Variants in BCAS3 observed in about 807,000 individuals in gnomAD.
BCAS3 encodes the protein BCAS4/BCAS3 fusion.
BCAS3 carries 53 observed loss-of-function variants against 116.1 expected under a neutral mutation model. The observed-to-expected ratio is 0.46, with a 90% CI of 0.37 to 0.57. The LOEUF is 0.57. Among genes scored for constraint, BCAS3 ranks in the 20% least tolerant of loss-of-function variants. BCAS3 has a pLI of 0.00. For missense variants in BCAS3, 917 were observed against 1,165.4 expected (o/e 0.79, Z 3.10); for synonymous variants, 391 against 408.2 (o/e 0.96, Z 0.51).
chr17:60,924,173 A>G lies in BCAS3; in HGVS notation c.994-234A>G, dbSNP rs557898796. Among the ~76,000 whole-genome samples, 4 of 152,248 alleles carry G rather than the reference A, an allele frequency of 2.6e-5. No homozygotes were observed. In the East Asian group the frequency reaches 5.8e-4, roughly 22 times the overall value. ...GAAGAAGTAATTGTTTCTGTCATCT[A>G]CAGTCAAGTCAGCTGACTCTTTTTA... On this transcript the variant is annotated intron_variant, in intron 12 of 23. Transcript: ENST00000407086.
rs1471164719 is a variant in BCAS3 at position 61,214,834 on chromosome 17, T to C, written c.2425+130270T>C. Among the ~76,000 whole-genome samples, 2 of 152,200 alleles carry C rather than the reference T, an allele frequency of 1.3e-5. No individual in the cohort carries two copies. The highest frequency in any genetic ancestry group is 2.9e-5 in the Non-Finnish European group (2 of 68,044). On this transcript the variant is annotated intron_variant, in intron 22 of 23. Transcript: ENST00000407086. The surrounding 1 kb of genome is among the most constrained non-coding windows in gnomAD (Gnocchi z 4.4). Reference sequence around the variant, plus strand: ...ACTGAAAGCTAATTCTTCAGAAGAGTATGTTCTAGCTAAGGGTGTACTATA... The same window carrying C: ...ACTGAAAGCTAATTCTTCAGAAGAGCATGTTCTAGCTAAGGGTGTACTATA...
chr17:60,677,993 G>T, intron 1 of BCAS3, 79 bp downstream of exon 1: 1 of 153,824 alleles, frequency 6.5e-6, no homozygotes, highest in Non-Finnish European at 1.5e-5. Flanking sequence ...GACTGGGTCG[G>T]GCTGGCAGGA....
chr17:60,738,621 C>T (rs2041215318), intron 5 of BCAS3, among the ~76,000 whole-genome samples: 1 of 152,180 alleles, frequency 6.6e-6, no homozygotes. Flanking sequence ...ATACAACATA[C>T]AGTTGGATCT....
chr17:60,953,886 A>G (rs568369114), intron 14 of BCAS3, among the ~76,000 whole-genome samples: 81 of 152,144 alleles, frequency 5.3e-4, no homozygotes, highest in African/African-American at 1.9e-3. Flanking sequence ...GGCACCTGCC[A>G]CCACATCCAG....
In BCAS3 at chr17:60,859,305, T is replaced by G. The variant is rs529438051; in HGVS notation, c.477-9271T>G. Among the ~76,000 whole-genome samples, 3 of 152,202 alleles carry G rather than the reference T, an allele frequency of 2.0e-5. No homozygotes were observed. The South Asian group carries it at 6.2e-4, about 32-fold the overall frequency. On this transcript the variant is annotated intron_variant, in intron 7 of 23. Coordinates refer to ENST00000407086, the MANE Select transcript of BCAS3 (RefSeq NM_017679.5). ...TATTTTGTCACCCAGGTAGTGAGCA[T>G]AGTACCCGATAGGTAGTTTTTTGAT...
chr17:61,180,166 T>A lies in BCAS3; in HGVS notation c.2425+95602T>A, dbSNP rs896376563. Among the ~76,000 whole-genome samples, 1 of 152,174 alleles carries A rather than the reference T, an allele frequency of 6.6e-6. No individual in the cohort carries two copies. The highest frequency in any genetic ancestry group is 6.5e-5 in the Admixed American group (1 of 15,276). ...GCCAAACATCATTAAGTCATTAGTG[T>A]AAGGGACTTGTTATGAAGGACCGAT... On this transcript the variant is annotated intron_variant, in intron 22 of 23. Coordinates refer to ENST00000407086, the MANE Select transcript of BCAS3 (RefSeq NM_017679.5). This position sits in a 1 kb window ranked among gnomAD's most constrained non-coding sequence, Gnocchi z 6.0.
At chr17:61,246,827 GTGTA>G (rs1555793411) in intron 22 of BCAS3, among the ~76,000 whole-genome samples, 3 of 149,794 alleles carry the variant, frequency 2.0e-5, no homozygotes, top group Non-Finnish European at 1.5e-5. Context: ...GTGTGTGTGT[GTGTA>G]TGTGTGTGAT....
At chr17:60,799,817 A>G (rs971875667) in intron 6 of BCAS3, among the ~76,000 whole-genome samples, 2 of 146,714 alleles carry the variant, frequency 1.4e-5, no homozygotes, top group East Asian at 3.9e-4. Flanking sequence ...CGGCCTCCCA[A>G]AGTGCTGGGA....
At chr17:61,176,679 T>TC (rs761997937) in intron 22 of BCAS3, among the ~76,000 whole-genome samples, 13 of 152,092 alleles carry the variant, frequency 8.5e-5, no homozygotes, top group Non-Finnish European at 1.8e-4. Context: ...CACCTCAGCC[T>TC]CCCAAGTAGC....
rs2074548807 is a variant in BCAS3, at chr17:61,104,959, A to G, written c.2425+20395A>G. Among the ~76,000 whole-genome samples, 1 of 152,226 alleles carries G rather than the reference A, an allele frequency of 6.6e-6. No homozygotes were observed. The highest frequency in any genetic ancestry group is 1.5e-5 in the Non-Finnish European group (1 of 68,038). On this transcript the variant is annotated intron_variant, in intron 22 of 23. Coordinates refer to ENST00000407086, the MANE Select transcript of BCAS3 (RefSeq NM_017679.5). This position sits in a 1 kb window ranked among gnomAD's most constrained non-coding sequence, Gnocchi z 4.1. The stretch of plus-strand genomic sequence containing the variant: ...AATAAAACTAGGAATAGCTGAGAGT[A>G]GGAAAACTCATGAGGCTTTTTCTCA...
At chr17:60,714,812 T>C (rs1440128306) in intron 5 of BCAS3, among the ~76,000 whole-genome samples, 1 of 152,196 alleles carries the variant, frequency 6.6e-6, no homozygotes, top group Non-Finnish European at 1.5e-5. Context: ...AGCAGAACTG[T>C]GCAGTAGTTT....
At chr17:61,168,684 G>A (rs1473644270) in intron 22 of BCAS3, among the ~76,000 whole-genome samples, 4 of 152,238 alleles carry the variant, frequency 2.6e-5, no homozygotes, top group African/African-American at 9.6e-5. Flanking sequence ...GGGAGAAGGA[G>A]CAGGTTCTGC....
chr17:61,044,465 A>AAAAAAAAAAAAAAATATATATATATATAT, intron 19 of BCAS3, among the ~76,000 whole-genome samples: 1 of 120,126 alleles, frequency 8.3e-6, no homozygotes, highest in African/African-American at 5.0e-5. Context: ...AAAAAAAAAA[A>AAAAAAAAAAAAAAATATATATATATATAT]ATATATATAT....
chr17:61,091,956 G>A (rs1426794734), intron 22 of BCAS3, among the ~76,000 whole-genome samples: 1 of 152,144 alleles, frequency 6.6e-6, no homozygotes, highest in East Asian at 1.9e-4. Flanking sequence ...TTTATACTCA[G>A]CCACCACTCA....
chr17:61,354,108 T>C lies in BCAS3; in HGVS notation c.2426-14219T>C, dbSNP rs898512157. 6.6e-6 allele frequency: 1 copy of C among 152,122 alleles called. No individual in the cohort carries two copies. Among genetic ancestry groups the C allele is most frequent in the African/African-American group, 2.4e-5 (1 of 41,422 alleles). The allele number at this position is 152,122 out of a possible 1,614,324, so 9.4% of individuals were successfully genotyped here. On this transcript the variant is annotated intron_variant, in intron 22 of 23. Coordinates refer to ENST00000407086, the MANE Select transcript of BCAS3 (RefSeq NM_017679.5). This position sits in a 1 kb window ranked among gnomAD's most constrained non-coding sequence, Gnocchi z 4.5. ...CCATGATGCTTCTGCAGCATGCCAG[T>C]TTGTTCACTGAGACCTTCACAGAAG...
intron 7 of BCAS3, among the ~76,000 whole-genome samples, chr17:60,850,525 A>C (rs9915715): frequency 0.19 from 28,374 of 151,276 alleles, 3,201 homozygotes; most frequent in African/African-American, 0.32. Context: ...CACCCAGCTA[A>C]TTTTTGTATT....
chr17:61,315,193 G>A lies in BCAS3; in HGVS notation c.2426-53134G>A, dbSNP rs2054626261. ...TGCAGTGGCGTGATCTCGGCTCACT[G>A]CAGCCTCCGCCTCCAGGTTAAAGCA... is the stretch of plus-strand genomic sequence containing the variant. On this transcript the variant is annotated intron_variant, in intron 22 of 23. Coordinates refer to ENST00000407086, the MANE Select transcript of BCAS3 (RefSeq NM_017679.5). The surrounding 1 kb of genome is among the most constrained non-coding windows in gnomAD (Gnocchi z 5.3). Among the ~76,000 whole-genome samples the A allele has an allele frequency of 6.6e-6, 1 of 152,100 alleles. No individual in the cohort carries two copies. The highest frequency in any genetic ancestry group is 1.5e-5 in the Non-Finnish European group (1 of 68,018).
chr17:61,357,883 G>A (rs1407786489), intron 22 of BCAS3, among the ~76,000 whole-genome samples: 1 of 152,006 alleles, frequency 6.6e-6, no homozygotes, highest in Non-Finnish European at 1.5e-5. Flanking sequence ...GAGGTCAAGA[G>A]TTCCAGACCC....
chr17:60,749,398 A>T (rs775786783), intron 6 of BCAS3, among the ~76,000 whole-genome samples: 1 of 152,116 alleles, frequency 6.6e-6, no homozygotes, highest in African/African-American at 2.4e-5. Context: ...TTTGTTCCCA[A>T]TGTTCTGAGA....
Sources: allele counts gnomAD v4.1 joint callset (sites outside exome capture counted in the v4.1 genomes callset), GRCh38; gene constraint gnomAD v4.1.1; non-coding constraint Gnocchi (gnomAD v3.1); transcripts MANE v1.5; gene names NCBI Gene and HGNC (gene_info 2026-07-23, HGNC 2026-07-21).